Variants in LYZL4 observed in about 807,000 individuals in gnomAD.
The protein encoded by LYZL4 is lysozyme like 4, also known as lysozyme-like protein 4.
In LYZL4, 13 loss-of-function variants were observed where a neutral mutation model predicts 17.6. The observed-to-expected ratio is 0.74, with a 90% CI of 0.48 to 1.18. The LOEUF (loss-of-function observed/expected upper bound fraction) is 1.18, where lower values mean the gene tolerates loss of function less well. LYZL4 is among the 50% of genes most tolerant of loss of function. LYZL4 has a pLI of 0.00. For synonymous variants in LYZL4, 64 were observed against 67.7 expected (o/e 0.95, Z 0.27); for missense variants, 174 against 188.2 (o/e 0.92, Z 0.44).
intron 1 of LYZL4, among the ~76,000 whole-genome samples, chr3:42,409,471 T>G (rs1201261242): frequency 6.6e-6 from 1 of 152,218 alleles, no homozygotes; most frequent in African/African-American, 2.4e-5. Flanking sequence ...TTTCTGGTAA[T>G]GTCTGTCTTC....
the LYZL4 span, among the ~76,000 whole-genome samples, chr3:42,391,363 A>G: frequency 1.1e-4 from 16 of 152,342 alleles, no homozygotes; most frequent in African/African-American, 3.4e-4. Context: ...GACTGAGCCG[A>G]GGTCCCTCCA....
At chr3:42,390,924 C>T in the LYZL4 span, among the ~76,000 whole-genome samples, 1 of 152,130 alleles carries the variant, frequency 6.6e-6, no homozygotes, top group Non-Finnish European at 1.5e-5. Flanking sequence ...TTGGTGGAGC[C>T]TTGGAAGGGG....
chr3:42,378,636 CCTCACTTCTTCCCAGTGCACCTCAA>C, the LYZL4 span, among the ~76,000 whole-genome samples: 3 of 152,126 alleles, frequency 2.0e-5, no homozygotes, highest in Non-Finnish European at 2.9e-5. Flanking sequence ...GTTAGGGATG[CCTCACTTCTTCCCAGTGCACCTCAA>C]CTCAGCTGGT....
the LYZL4 span, among the ~76,000 whole-genome samples, chr3:42,369,998 A>C: frequency 8.6e-3 from 1,303 of 152,272 alleles, 19 homozygotes; most frequent in African/African-American, 0.029. Context: ...CCTGGGTAAC[A>C]CAGCAAGACC....
downstream of LYZL4, among the ~76,000 whole-genome samples, chr3:42,396,019 G>A (rs555169747): frequency 2.6e-5 from 4 of 152,126 alleles, no homozygotes; most frequent in South Asian, 2.1e-4. Context: ...CCGAGATCGC[G>A]CCATTGCACT....
the LYZL4 span, among the ~76,000 whole-genome samples, chr3:42,372,959 C>A: frequency 6.6e-6 from 1 of 152,240 alleles, no homozygotes; most frequent in South Asian, 2.1e-4. Context: ...GTAATCCCAG[C>A]ATTTTGGGAG....
the LYZL4 span, among the ~76,000 whole-genome samples, chr3:42,363,632 T>C: frequency 6.6e-6 from 1 of 152,228 alleles, no homozygotes; most frequent in Non-Finnish European, 1.5e-5. Flanking sequence ...ACATTCTCTG[T>C]TGAAACTTTG....
chr3:42,386,406 C>T, the LYZL4 span, among the ~76,000 whole-genome samples: 9 of 134,742 alleles, frequency 6.7e-5, no homozygotes, highest in African/African-American at 1.9e-4. Context: ...CCCCCCCCCC[C>T]CCCCCCGCCT....
the LYZL4 span, among the ~76,000 whole-genome samples, chr3:42,366,012 C>T: frequency 4.3e-4 from 66 of 152,190 alleles, no homozygotes; most frequent in African/African-American, 1.3e-3. Flanking sequence ...TTGAATTAAA[C>T]GTACCTACTT....
At chr3:42,379,882 C>T in the LYZL4 span, among the ~76,000 whole-genome samples, 4 of 152,174 alleles carry the variant, frequency 2.6e-5, no homozygotes, top group South Asian at 2.1e-4. Flanking sequence ...GGGTAGGACC[C>T]TTATCCTGGG....
At chr3:42,362,416 G>T in the LYZL4 span, among the ~76,000 whole-genome samples, 2 of 152,226 alleles carry the variant, frequency 1.3e-5, no homozygotes, top group African/African-American at 4.8e-5. Context: ...TCACTGAACT[G>T]CTATAACAAG....
intron 4 of LYZL4, among the ~76,000 whole-genome samples, chr3:42,398,552 A>G (rs1164547191): frequency 1.3e-5 from 2 of 152,210 alleles, no homozygotes; most frequent in Non-Finnish European, 2.9e-5. Flanking sequence ...AAAATGGGTT[A>G]CTGAATAAAT....
At position 42,397,230 on chromosome 3, in the gene LYZL4, G is replaced by A; in HGVS notation, c.*35C>T. On this transcript the variant is annotated 3_prime_UTR_variant, in exon 5 of 5. Coordinates refer to ENST00000287748, the MANE Select transcript of LYZL4 (RefSeq NM_144634.4). ...AGAAAAGCACCTTCATTCACAAGATGCAACTGGTGAGTGCTGCAGGGGCCA... is the reference window on the plus strand; with the variant it reads ...AGAAAAGCACCTTCATTCACAAGATACAACTGGTGAGTGCTGCAGGGGCCA... The A allele has an allele frequency of 6.9e-7, 1 of 1,439,346 alleles. No homozygotes were observed. The highest frequency in any genetic ancestry group is 9.5e-7 in the Non-Finnish European group (1 of 1,047,940). 89.2% of individuals were successfully genotyped at this position (1,439,346 alleles called of 1,614,324 possible).
chr3:42,402,232 G>C (rs1465154506), intron 4 of LYZL4, among the ~76,000 whole-genome samples: 3 of 151,170 alleles, frequency 2.0e-5, no homozygotes, highest in African/African-American at 7.3e-5. Flanking sequence ...CTTGAGCCCA[G>C]GAGTTCCAGG....
chr3:42,376,544 A>T, the LYZL4 span, among the ~76,000 whole-genome samples: 3 of 152,330 alleles, frequency 2.0e-5, no homozygotes, highest in South Asian at 4.1e-4. Flanking sequence ...GTGGTTGTTT[A>T]TTCAAGCATC....
chr3:42,372,591 G>A, the LYZL4 span, among the ~76,000 whole-genome samples: 34 of 152,302 alleles, frequency 2.2e-4, no homozygotes, highest in South Asian at 1.2e-3. Flanking sequence ...TCAGGGTGGA[G>A]CATGCCTCAG....
the LYZL4 span, among the ~76,000 whole-genome samples, chr3:42,387,870 G>T: frequency 6.6e-6 from 1 of 152,032 alleles, no homozygotes; most frequent in Non-Finnish European, 1.5e-5. Flanking sequence ...CTGTCTAAAG[G>T]GGGAAGCCTC....
Position 42,406,964 on chromosome 3 carries a change from G to T in LYZL4, c.174C>A (p.Asn58Lys). ...VCLAYFESKFNPMAIYENTRE... is the reference protein window; with the variant it reads ...VCLAYFESKFKPMAIYENTRE... ...GTGTGTTCTCGTAGATGGCCATGGG[G>T]TTGAACTTGCTCTCGAAGTAGGCCA... Residue 58 changes from asparagine (N) to lysine (K), a missense_variant, in exon 3 of 5, where the codon AAC becomes AAA. Coordinates refer to ENST00000287748, the MANE Select transcript of LYZL4 (RefSeq NM_144634.4). 4 of 1,614,214 alleles carry T rather than the reference G, an allele frequency of 2.5e-6. No homozygotes were observed. Among genetic ancestry groups the T allele is most frequent in the East Asian group, 2.2e-5 (1 of 44,884 alleles).
At chr3:42,381,601 T>C in the LYZL4 span, among the ~76,000 whole-genome samples, 1 of 152,274 alleles carries the variant, frequency 6.6e-6, no homozygotes, top group African/African-American at 2.4e-5. Context: ...AGGTAATAAA[T>C]TGGAATGTTC....
Sources: gnomAD v4.1 joint callset for allele counts (sites outside exome capture counted in the v4.1 genomes callset) on GRCh38, gnomAD v4.1.1 for gene constraint, MANE v1.5 for transcripts, NCBI Gene and HGNC (gene_info 2026-07-23, HGNC 2026-07-21) for gene names.